Variants in MTERF3 observed in about 807,000 individuals in gnomAD.
The protein encoded by MTERF3 is transcription termination factor 3, mitochondrial.
In MTERF3, 40 loss-of-function variants were observed where a neutral mutation model predicts 40.5. The observed-to-expected ratio is 0.99, with a 90% CI of 0.77 to 1.29. The LOEUF (loss-of-function observed/expected upper bound fraction) is 1.29. Ranked by LOEUF, MTERF3 falls within the 50% of genes most tolerant of loss-of-function variation. The probability of loss-of-function intolerance (pLI) is 0.00; values close to 1 mark genes in which losing one functional copy is unlikely to be tolerated. For missense variants in MTERF3, 452 were observed against 478.2 expected (o/e 0.95, Z 0.51); for synonymous variants, 158 against 166.6 (o/e 0.95, Z 0.40).
chr8:96,261,244 C>T (rs1470419149), intron 1 of MTERF3, among the ~76,000 whole-genome samples: 1 of 152,198 alleles, frequency 6.6e-6, no homozygotes, highest in African/African-American at 2.4e-5. Flanking sequence ...CCATTTTAGC[C>T]CACTTCAGTT....
At chr8:96,254,929 G>C (rs1316062381) in intron 3 of MTERF3, among the ~76,000 whole-genome samples, 1 of 152,198 alleles carries the variant, frequency 6.6e-6, no homozygotes, top group Admixed American at 6.5e-5. Flanking sequence ...TCTGTCTGCA[G>C]GGTCAAGAAG....
rs1479466031 is a variant in MTERF3, at chr8:96,250,683, G to GA, written c.677+222_677+223insT. Among the ~76,000 whole-genome samples, 3 of 58,862 alleles carry GA rather than the reference G, an allele frequency of 5.1e-5. 1 individual carries two copies. Among genetic ancestry groups the GA allele is most frequent in the Non-Finnish European group, 1.1e-4 (3 of 27,098 alleles). 38.6% of individuals were successfully genotyped at this position (58,862 alleles called of 152,430 possible). On this transcript the variant is annotated intron_variant, in intron 4 of 7. Transcript: ENST00000287025. The stretch of plus-strand genomic sequence containing the variant: ...AGAAGAAGAAGAAGAAGAAGAAGAA[G>GA]GAGGAGGAGGAGGGGGGGAGGGGGA...
chr8:96,243,128 T>A (rs1365541098), intron 7 of MTERF3, among the ~76,000 whole-genome samples: 2 of 152,222 alleles, frequency 1.3e-5, no homozygotes, highest in Non-Finnish European at 2.9e-5. Flanking sequence ...GCAGTCTAGT[T>A]CTGAGAGTTG....
intron 4 of MTERF3, among the ~76,000 whole-genome samples, chr8:96,250,427 G>A (rs1028395061): frequency 2.7e-5 from 4 of 147,384 alleles, no homozygotes; most frequent in Admixed American, 6.8e-5. Flanking sequence ...AATAATAATG[G>A]AGCCAGGCAG....
intron 4 of MTERF3, among the ~76,000 whole-genome samples, chr8:96,250,021 G>A (rs557232218): frequency 6.6e-6 from 1 of 152,124 alleles, no homozygotes; most frequent in African/African-American, 2.4e-5. Flanking sequence ...TGTTCTCTGT[G>A]GTATTCCCAA....
At chr8:96,259,910 A>T (rs560162584) in intron 1 of MTERF3, among the ~76,000 whole-genome samples, 4,687 of 149,380 alleles carry the variant, frequency 0.031, 179 homozygotes, top group African/African-American at 0.096. Context: ...TATTATTATT[A>T]TTATTTTTTT....
intron 4 of MTERF3, among the ~76,000 whole-genome samples, chr8:96,250,677 GA>G (rs1563549057): frequency 1.7e-4 from 9 of 53,012 alleles, no homozygotes; most frequent in African/African-American, 7.2e-4. Flanking sequence ...AGAAGAAGAA[GA>G]AGAAGGAGGA....
chr8:96,259,466 A>T (rs933724395), intron 1 of MTERF3, among the ~76,000 whole-genome samples: 1 of 152,242 alleles, frequency 6.6e-6, no homozygotes, highest in African/African-American at 2.4e-5. Flanking sequence ...ATACCTGTAT[A>T]TTTTGACTGA....
chr8:96,240,584 G>T (rs952479731), intron 7 of MTERF3, among the ~76,000 whole-genome samples: 13 of 152,124 alleles, frequency 8.5e-5, no homozygotes, highest in Non-Finnish European at 1.3e-4. Flanking sequence ...GTAAGCGGCA[G>T]CAACTTTAGA....
chr8:96,248,883 T>C (rs1272661153), intron 4 of MTERF3, among the ~76,000 whole-genome samples: 2 of 152,216 alleles, frequency 1.3e-5, no homozygotes, highest in Non-Finnish European at 2.9e-5. Context: ...AAAGTTCATT[T>C]AAATAAAGGT....
At chr8:96,240,822 T>C (rs569725414) in intron 7 of MTERF3, among the ~76,000 whole-genome samples, 1 of 152,234 alleles carries the variant, frequency 6.6e-6, no homozygotes, top group Admixed American at 6.5e-5. Context: ...TAGGCCTCTT[T>C]CCCTATATTC....
chr8:96,258,878 A>C (rs1179056062), intron 1 of MTERF3, among the ~76,000 whole-genome samples, 178 bp from the exon 2 acceptor site: 1 of 152,242 alleles, frequency 6.6e-6, no homozygotes, highest in African/African-American at 2.4e-5. Flanking sequence ...AAAAGCCAAC[A>C]ACAAGGCAAT....
chr8:96,250,870 T>G (rs1290307211), intron 4 of MTERF3, 36 bp downstream of exon 4: 9 of 1,550,564 alleles, frequency 5.8e-6, no homozygotes, highest in African/African-American at 1.4e-5. Context: ...CATAACCACT[T>G]CTTAGGTTAT....
rs988469661 is a variant in MTERF3, at chr8:96,257,253, T to C, written c.335-139A>G. The C allele has an allele frequency of 1.6e-5, 13 of 823,542 alleles. No homozygotes were observed. In the East Asian group the frequency reaches 3.4e-4, roughly 22 times the overall value. 51.0% of individuals were successfully genotyped at this position (823,542 alleles called of 1,614,324 possible). On this transcript the variant is annotated intron_variant, in intron 2 of 7. Coordinates refer to ENST00000287025, the MANE Select transcript of MTERF3 (RefSeq NM_015942.5). ...TAGAATTAAACATCCAAGTCCCTAA[T>C]TTTTCACCTTTTAAGAGGTAAGGTT...
intron 7 of MTERF3, among the ~76,000 whole-genome samples, chr8:96,242,777 T>C (rs1809952462): frequency 6.6e-6 from 1 of 152,214 alleles, no homozygotes; most frequent in African/African-American, 2.4e-5. Flanking sequence ...TTTAAACCTG[T>C]CTTCCACACT....
chr8:96,245,856 C>CTACCT lies in MTERF3; in HGVS notation c.896_897+3dup. ...ATTTCTCAAAAAGCCTAAAGTTGTC[C>CTACCT]TACCTTCATATTTTCTTTCACGGGT... On this transcript the variant is annotated splice_donor_region_variant and intron_variant, in intron 6 of 7. Transcript: ENST00000287025. 6.2e-7 allele frequency: 1 copy of CTACCT among 1,612,774 alleles called. No homozygotes were observed. Among genetic ancestry groups the CTACCT allele is most frequent in the Non-Finnish European group, 8.5e-7 (1 of 1,178,974 alleles).
At chr8:96,261,316 C>A (rs1810382645) in intron 1 of MTERF3, among the ~76,000 whole-genome samples, 185 bp downstream of exon 1, 1 of 152,222 alleles carries the variant, frequency 6.6e-6, no homozygotes, top group Non-Finnish European at 1.5e-5. Flanking sequence ...CGCTAATTAG[C>A]CAGCATGGTT....
chr8:96,243,468 A>G (rs1325715706), intron 7 of MTERF3, among the ~76,000 whole-genome samples: 1 of 152,176 alleles, frequency 6.6e-6, no homozygotes, highest in Non-Finnish European at 1.5e-5. Context: ...AGATAATATC[A>G]CTCACTAGGT....
intron 4 of MTERF3, among the ~76,000 whole-genome samples, chr8:96,246,836 A>AT (rs71267235): frequency 1.1e-3 from 166 of 148,066 alleles, no homozygotes; most frequent in East Asian, 5.5e-3. Context: ...TCTGCTTAAG[A>AT]TTTTTTTTTT....
Sources: gnomAD v4.1 joint callset for allele counts (sites outside exome capture counted in the v4.1 genomes callset) on GRCh38, gnomAD v4.1.1 for gene constraint, MANE v1.5 for transcripts, NCBI Gene and HGNC (gene_info 2026-07-23, HGNC 2026-07-21) for gene names.